Variants in LNX2 observed in about 807,000 individuals in gnomAD.
LNX2 encodes the protein ligand of numb-protein X 2, also known as ligand of Numb protein X 2.
In LNX2, 35 loss-of-function variants were observed where a neutral mutation model predicts 66.2. The ratio of observed to expected loss-of-function variants is 0.53; its 90% confidence interval spans 0.40 to 0.70. The LOEUF (loss-of-function observed/expected upper bound fraction) is 0.70. Ranked by LOEUF, LNX2 falls within the 30% of genes least tolerant of loss-of-function variation. The probability of loss-of-function intolerance (pLI) is 0.00; values close to 1 mark genes in which losing one functional copy is unlikely to be tolerated. For missense variants in LNX2, 791 were observed against 850.8 expected (o/e 0.93, Z 0.87); for synonymous variants, 337 against 315.6 (o/e 1.07, Z -0.72).
At position 27,559,966 on chromosome 13, in the gene LNX2, T is replaced by C; in HGVS notation, c.1244A>G (p.Asn415Ser). The stretch of plus-strand genomic sequence containing the variant: ...TTTCCCTGGTCTAGCAATTGTTAAA[T>C]TCACTCTCTCTCCACTGGCCTGGAG... ...QIIQASGERV[N>S]LTIARPGKPQ... Residue 415 changes from asparagine to serine, a missense_variant, in exon 6 of 10, where the codon AAT (asparagine) becomes AGT (serine). Asn to Ser is a conservative substitution (Grantham distance 46). Transcript: ENST00000316334. The C allele has an allele frequency of 6.2e-7, 1 of 1,607,672 alleles. No individual in the cohort carries two copies. Among genetic ancestry groups the C allele is most frequent in the Non-Finnish European group, 8.5e-7 (1 of 1,176,890 alleles).
intron 1 of LNX2, among the ~76,000 whole-genome samples, chr13:27,613,835 T>A (rs79094069): frequency 6.6e-6 from 1 of 152,292 alleles, no homozygotes; most frequent in East Asian, 1.9e-4. Flanking sequence ...AATGATTAAC[T>A]ACTCGAATGA....
At chr13:27,574,331 C>A (rs1227787816) in intron 2 of LNX2, among the ~76,000 whole-genome samples, 1 of 152,070 alleles carries the variant, frequency 6.6e-6, no homozygotes, top group East Asian at 1.9e-4. Flanking sequence ...GTAATCTCAG[C>A]TACTTGGGAG....
chr13:27,583,255 T>TGTGTGTGTGTGTGCGC (rs1555268514), intron 1 of LNX2, among the ~76,000 whole-genome samples: 5 of 58,528 alleles, frequency 8.5e-5, no homozygotes, highest in Admixed American at 1.8e-4. Context: ...TGTGTGTGTG[T>TGTGTGTGTGTGTGCGC]GCGCGCGTCC....
Position 27,548,275 on chromosome 13 carries a change from G to C in LNX2, c.*60C>G. 1 of 1,547,698 alleles carries C rather than the reference G, an allele frequency of 6.5e-7. No individual in the cohort carries two copies. Among genetic ancestry groups the C allele is most frequent in the Non-Finnish European group, 8.8e-7 (1 of 1,131,996 alleles). The stretch of plus-strand genomic sequence containing the variant: ...AAACCACAAACACAATGAAACCAAA[G>C]GGTTTTCTTTCAAAAATCTAAAAAA... On this transcript the variant is annotated 3_prime_UTR_variant, in exon 10 of 10. Transcript: ENST00000316334.
chr13:27,581,741 A>C lies in LNX2; in HGVS notation c.-38T>G. The C allele has an allele frequency of 6.6e-7, 1 of 1,525,702 alleles. No individual in the cohort carries two copies. Among genetic ancestry groups the C allele is most frequent in the Non-Finnish European group, 8.8e-7 (1 of 1,133,410 alleles). 94.5% of individuals were successfully genotyped at this position (1,525,702 alleles called of 1,614,324 possible). The stretch of plus-strand genomic sequence containing the variant: ...CTGTATCCTCATGTGTTAGACTTCC[A>C]CTTCACGCTTGGTTTCCTTTAACAG... On this transcript the variant is annotated 5_prime_UTR_variant, in exon 2 of 10. Coordinates refer to ENST00000316334, the MANE Select transcript of LNX2 (RefSeq NM_153371.4).
intron 1 of LNX2, among the ~76,000 whole-genome samples, chr13:27,604,826 T>C (rs1315975851): frequency 6.8e-6 from 1 of 147,392 alleles, no homozygotes; most frequent in Non-Finnish European, 1.5e-5. Flanking sequence ...TCCTATTGAA[T>C]TGTATTATTA....
intron 9 of LNX2, among the ~76,000 whole-genome samples, chr13:27,549,522 T>C (rs945808259): frequency 2.0e-5 from 3 of 152,172 alleles, no homozygotes; most frequent in African/African-American, 7.2e-5. Flanking sequence ...TAGAGCCAGA[T>C]AGTCCTGGGT....
chr13:27,548,618 G>A, intron 9 of LNX2, 148 bp from the exon 10 acceptor site: 1 of 868,586 alleles, frequency 1.2e-6, no homozygotes, highest in Non-Finnish European at 1.7e-6. Flanking sequence ...GTCTGGGACA[G>A]CCCTTAAGCC....
intron 2 of LNX2, among the ~76,000 whole-genome samples, chr13:27,580,719 T>G (rs1402039335): frequency 6.6e-6 from 1 of 152,196 alleles, no homozygotes; most frequent in Non-Finnish European, 1.5e-5. Flanking sequence ...CTTTACAAGA[T>G]CTTAGCAAAT....
intron 1 of LNX2, among the ~76,000 whole-genome samples, chr13:27,594,656 G>A (rs1176975172): frequency 6.6e-6 from 1 of 152,006 alleles, no homozygotes; most frequent in East Asian, 1.9e-4. Context: ...TCACACTTGT[G>A]TTCAAAAACT....
rs1954963944 is a variant in LNX2 at position 27,548,116 on chromosome 13, C to T, written c.*219G>A. 1.2e-5 allele frequency: 6 copies of T among 497,796 alleles called. No individual in the cohort carries two copies. Among genetic ancestry groups the T allele is most frequent in the Non-Finnish European group, 2.1e-5 (6 of 282,492 alleles). 30.8% of individuals were successfully genotyped at this position (497,796 alleles called of 1,614,324 possible). A position where few individuals can be genotyped will look rare whatever the true frequency, so the allele number is the denominator to read the frequency against. ...TAAGTCTGAATTCTGAAAATATAAACTCACAAAGGTTAGTGGAAGACTGTT... is the reference window on the plus strand; with the variant it reads ...TAAGTCTGAATTCTGAAAATATAAATTCACAAAGGTTAGTGGAAGACTGTT... On this transcript the variant is annotated 3_prime_UTR_variant, in exon 10 of 10. Transcript: ENST00000316334.
chr13:27,613,531 G>A (rs552487713), intron 1 of LNX2, among the ~76,000 whole-genome samples: 51 of 152,290 alleles, frequency 3.3e-4, no homozygotes, highest in African/African-American at 1.0e-3. Flanking sequence ...CAGCACTCTG[G>A]GAGGCCAAGA....
intron 1 of LNX2, among the ~76,000 whole-genome samples, chr13:27,588,136 T>C (rs939115892): frequency 2.7e-5 from 4 of 150,358 alleles, no homozygotes; most frequent in Non-Finnish European, 5.9e-5. Flanking sequence ...TTCATGCAAC[T>C]ACCATATAAT....
intron 1 of LNX2, among the ~76,000 whole-genome samples, chr13:27,599,691 G>C (rs1325007258): frequency 6.6e-6 from 1 of 152,178 alleles, no homozygotes; most frequent in Non-Finnish European, 1.5e-5. Context: ...AATAGCACCT[G>C]TACTTTGGCA....
chr13:27,574,530 G>C (rs1044818223), intron 2 of LNX2, among the ~76,000 whole-genome samples: 3 of 125,632 alleles, frequency 2.4e-5, no homozygotes, highest in Non-Finnish European at 5.1e-5. Flanking sequence ...GAACAGGGAA[G>C]AAAAAAAAAA....
chr13:27,588,849 C>G (rs184109050), intron 1 of LNX2, among the ~76,000 whole-genome samples: 18 of 151,806 alleles, frequency 1.2e-4, no homozygotes, highest in Middle Eastern at 6.8e-3. Context: ...TGGAAAATAA[C>G]TTTTTTCAAA....
At chr13:27,560,583 A>ATATATATATATATATATATATATATG (rs1218820862) in intron 5 of LNX2, among the ~76,000 whole-genome samples, 1 of 149,156 alleles carries the variant, frequency 6.7e-6, no homozygotes, top group Non-Finnish European at 1.5e-5. Flanking sequence ...ATATATATAT[A>ATATATATATATATATATATATATATG]TAGCATACTT....
chr13:27,590,994 GTA>G (rs1429098758), intron 1 of LNX2, among the ~76,000 whole-genome samples: 1 of 151,764 alleles, frequency 6.6e-6, no homozygotes, highest in Non-Finnish European at 1.5e-5. Context: ...ATGTGTGTGT[GTA>G]TATATATGTG....
intron 1 of LNX2, among the ~76,000 whole-genome samples, chr13:27,585,778 T>C (rs1955478505): frequency 6.6e-6 from 1 of 151,892 alleles, no homozygotes. Flanking sequence ...TTCTAATTTT[T>C]CTCTTCCTCA....
Sources: gnomAD v4.1 joint callset for allele counts (sites outside exome capture counted in the v4.1 genomes callset) on GRCh38, gnomAD v4.1.1 for gene constraint, MANE v1.5 for transcripts, NCBI Gene and HGNC (gene_info 2026-07-23, HGNC 2026-07-21) for gene names.